The following NBEA variants were observed in gnomAD, a reference collection of about 807,000 sequenced individuals.
The protein encoded by NBEA is lysosomal-trafficking regulator 2.
A neutral mutation model predicts 343.4 loss-of-function variants in NBEA; 44 were observed. That is an observed-to-expected ratio of 0.13 (90% CI 0.10 to 0.16). The LOEUF is 0.16. NBEA is among the 10% of genes least tolerant of loss of function. The pLI is 1.00. For missense variants in NBEA, 2,555 were observed against 3,631.3 expected, an observed-to-expected ratio of 0.70 and a Z score of 7.62; for synonymous variants, 1,175 against 1,238.7, an observed-to-expected ratio of 0.95 and a Z score of 1.08.
rs368846403 is a variant in NBEA at position 35,399,230 on chromosome 13, T to G, written c.6180-33039T>G. On this transcript the variant is annotated intron_variant, in intron 38 of 58. Transcript: ENST00000379939. ...TGTGATCTATCGAGGCCACTCAAAC[T>G]TTTTCCATATCAGCAATAAGGCTAT... Among the ~76,000 whole-genome samples the G allele has an allele frequency of 5.9e-5, 9 of 152,284 alleles. No individual in the cohort carries two copies. In the East Asian group the frequency reaches 1.5e-3, roughly 26 times the overall value.
chr13:35,366,443 C>A (rs187241516), intron 38 of NBEA, among the ~76,000 whole-genome samples: 7 of 150,684 alleles, frequency 4.6e-5, no homozygotes, highest in African/African-American at 1.7e-4. Context: ...AAGTAATATG[C>A]ATATTATGAC....
At chr13:35,145,757 G>A (rs1043181465) in intron 18 of NBEA, among the ~76,000 whole-genome samples, 4 of 152,188 alleles carry the variant, frequency 2.6e-5, no homozygotes, top group African/African-American at 9.7e-5. Flanking sequence ...TCTGATATTT[G>A]GGTAAATGTG....
chr13:34,988,246 C>T (rs371873044), intron 1 of NBEA, among the ~76,000 whole-genome samples: 25 of 151,008 alleles, frequency 1.7e-4, no homozygotes, highest in East Asian at 9.6e-4. Context: ...GCCAGTTAGG[C>T]TACACGGGGG....
chr13:35,476,749 A>ACCGAG, intron 41 of NBEA: 2 of 1,062,228 alleles, frequency 1.9e-6, no homozygotes. Flanking sequence ...GCGGGCGGCC[A>ACCGAG]ATCGCCACTG....
intron 41 of NBEA, among the ~76,000 whole-genome samples, chr13:35,537,300 AT>A (rs1382198314): frequency 6.6e-6 from 1 of 152,058 alleles, no homozygotes; most frequent in Non-Finnish European, 1.5e-5. Flanking sequence ...CCCTGTATAT[AT>A]ACAGGGTCTC....
chr13:35,654,769 C>A, intron 53 of NBEA, 86 bp from the exon 54 acceptor site: 1 of 1,011,314 alleles, frequency 9.9e-7, no homozygotes, highest in Non-Finnish European at 1.4e-6. Flanking sequence ...ATAAATGAAG[C>A]ATGAAAGTAT....
At chr13:35,133,881 A>G (rs1229173321) in intron 17 of NBEA, among the ~76,000 whole-genome samples, 1 of 152,016 alleles carries the variant, frequency 6.6e-6, no homozygotes, top group Non-Finnish European at 1.5e-5. Context: ...AGGTATCCAG[A>G]AATACTTACT....
chr13:35,041,433 C>T lies in NBEA; in HGVS notation c.526+269C>T, dbSNP rs112104787. The stretch of plus-strand genomic sequence containing the variant: ...TACCATGGAGTGCTATGAAATCTAT[C>T]AGAAAAATAAACATTATTTTTATGT... On this transcript the variant is annotated intron_variant, in intron 2 of 58. Transcript: ENST00000379939. Among the ~76,000 whole-genome samples the T allele has an allele frequency of 4.0e-4, 61 of 151,954 alleles. 1 individual carries two copies. The highest frequency in any genetic ancestry group is 1.4e-3 in the African/African-American group (56 of 41,476).
At chr13:35,659,221 C>T (rs544710871) in intron 55 of NBEA, among the ~76,000 whole-genome samples, 6 of 152,196 alleles carry the variant, frequency 3.9e-5, no homozygotes, top group African/African-American at 1.4e-4. Flanking sequence ...ACATAATATC[C>T]TAGTAGCTGT....
At chr13:34,993,844 T>G (rs745554107) in intron 1 of NBEA, among the ~76,000 whole-genome samples, 2 of 152,172 alleles carry the variant, frequency 1.3e-5, no homozygotes, top group African/African-American at 4.8e-5. Flanking sequence ...CAATTTTGAT[T>G]ATGGTTCTTT....
intron 20 of NBEA, among the ~76,000 whole-genome samples, 182 bp downstream of exon 20, chr13:35,156,388 T>C (rs1420931298): frequency 6.6e-6 from 1 of 152,082 alleles, no homozygotes; most frequent in Non-Finnish European, 1.5e-5. Context: ...TTTATATTAT[T>C]TTTATTTTGT....
At chr13:35,028,010 G>A (rs2062073975) in intron 1 of NBEA, among the ~76,000 whole-genome samples, 1 of 151,696 alleles carries the variant, frequency 6.6e-6, no homozygotes, top group Non-Finnish European at 1.5e-5. Context: ...CTGTTTCTGG[G>A]TTCTCGCTTA....
intron 41 of NBEA, among the ~76,000 whole-genome samples, chr13:35,536,609 C>CA (rs2078558043): frequency 6.6e-6 from 1 of 151,922 alleles, no homozygotes; most frequent in South Asian, 2.1e-4. Context: ...CTGCAAGTAA[C>CA]AGACACTGTA....
chr13:35,200,039 A>G (rs2072908100), intron 31 of NBEA, among the ~76,000 whole-genome samples: 1 of 152,070 alleles, frequency 6.6e-6, no homozygotes, highest in African/African-American at 2.4e-5. Context: ...AGGAAATACA[A>G]TCATAAAACT....
chr13:35,445,717 A>C (rs2045967039), intron 39 of NBEA, among the ~76,000 whole-genome samples: 1 of 149,466 alleles, frequency 6.7e-6, no homozygotes, highest in Non-Finnish European at 1.5e-5. Context: ...AGAATCCCTA[A>C]AATAAAAACA....
chr13:35,418,688 A>T (rs1374548267), intron 38 of NBEA, among the ~76,000 whole-genome samples: 3 of 152,082 alleles, frequency 2.0e-5, no homozygotes, highest in Non-Finnish European at 4.4e-5. Context: ...GCCAAATATA[A>T]TGGTGTTGGA....
rs142610452 is a variant in NBEA, at chr13:35,494,258, G to A, written c.6585+21722G>A. ...ACAGAGACAGTGAGATATGTCAGAA[G>A]ACTAGATGAGAGCAAAATATTAGAG... On this transcript the variant is annotated intron_variant, in intron 41 of 58. Coordinates refer to ENST00000379939, the MANE Select transcript of NBEA (RefSeq NM_001385012.1). 1.2e-3 allele frequency among the ~76,000 whole-genome samples: 181 copies of A among 152,030 alleles called. 1 individual carries two copies. Among genetic ancestry groups the A allele is most frequent in the Non-Finnish European group, 1.8e-3 (123 of 67,908 alleles).
chr13:35,133,786 G>A (rs2067561090), intron 17 of NBEA, among the ~76,000 whole-genome samples: 2 of 151,918 alleles, frequency 1.3e-5, no homozygotes, highest in Admixed American at 1.3e-4. Context: ...CTAATTAAAA[G>A]TATAAAGACG....
intron 48 of NBEA, among the ~76,000 whole-genome samples, chr13:35,620,640 T>G (rs1429655149): frequency 6.6e-6 from 1 of 152,120 alleles, no homozygotes; most frequent in Non-Finnish European, 1.5e-5. Flanking sequence ...TCCTTATGTT[T>G]TGAAGGGATC....
Sources: gnomAD v4.1 joint callset for allele counts (sites outside exome capture counted in the v4.1 genomes callset) on GRCh38, gnomAD v4.1.1 for gene constraint, MANE v1.5 for transcripts, NCBI Gene and HGNC (gene_info 2026-07-23, HGNC 2026-07-21) for gene names.